Variants in SH2B1 observed in about 807,000 individuals in gnomAD.
SH2B1 encodes SH2B adapter protein 1.
Under a neutral mutation model 62.6 loss-of-function variants are expected in SH2B1, and 15 were observed. The ratio of observed to expected loss-of-function variants is 0.24; its 90% CI spans 0.16 to 0.37. SH2B1 has a LOEUF of 0.37. Ranked by LOEUF, SH2B1 falls within the 10% of genes least tolerant of loss-of-function variation. The pLI, the probability that SH2B1 is intolerant of heterozygous loss-of-function variation, is 1.00. For missense variants in SH2B1, 925 were observed against 1,015.6 expected (o/e 0.91, Z 1.21); for synonymous variants, 443 against 438.0 (o/e 1.01, Z -0.14).
intron 1 of SH2B1, among the ~76,000 whole-genome samples, chr16:28,852,657 CACATATATATTTATATATATATTT>C (rs1567458950): frequency 3.1e-5 from 2 of 64,988 alleles, no homozygotes; most frequent in Non-Finnish European, 5.1e-5. Flanking sequence ...TATATATATA[CACATATATATTTATATATATATTT>C]ACATATATAT....
In SH2B1 at chr16:28,866,680, G is replaced by A. The variant is rs1249720585; in HGVS notation, c.586G>A (p.Gly196Arg). The A allele has an allele frequency of 4.4e-6, 7 of 1,605,036 alleles. No individual in the cohort carries two copies. The highest frequency in any genetic ancestry group is 6.0e-6 in the Non-Finnish European group (7 of 1,175,170). Residue 196 changes from glycine (G) to arginine (R), a missense_variant, in exon 1 of 8, where the codon GGA (glycine) becomes AGA (arginine). Gly to Arg is a moderately radical substitution (Grantham distance 125, BLOSUM62 -2). Around this residue, in one of 3 missense-constraint regions of SH2B1, gnomAD observed 683 missense variants for 704.0 expected, o/e 0.97. Transcript: ENST00000684370. This position sits in a 1 kb window ranked among gnomAD's most constrained non-coding sequence, Gnocchi z 6.3. ...CTCGTCAGGCCCCCCAGTCTTAGGTGGAAACAGCAACTCCAACTCCTCTGG... is the reference window on the plus strand; with the variant it reads ...CTCGTCAGGCCCCCCAGTCTTAGGTAGAAACAGCAACTCCAACTCCTCTGG... ...ETSSGPPVLGGNSNSNSSGGA... is the reference protein window; with the variant it reads ...ETSSGPPVLGRNSNSNSSGGA...
At position 28,872,205 on chromosome 16, in the gene SH2B1, AGGGG is replaced by A; in HGVS notation, c.1531_1534del (p.Gly511SerfsTer31). ...CTTCCTGAAGGGTCCTTCCTGTTCC[AGGGG>A]GAGCCAGAGGGCGGTGAGGGGGACC... On this transcript the variant is annotated frameshift_variant, in exon 6 of 8. Transcript: ENST00000684370. LOFTEE classifies it high-confidence loss of function. The surrounding 1 kb of genome is among the most constrained non-coding windows in gnomAD (Gnocchi z 5.3). 6.2e-7 allele frequency: 1 copy of A among 1,613,060 alleles called. No homozygotes were observed. The highest frequency in any genetic ancestry group is 8.5e-7 in the Non-Finnish European group (1 of 1,179,482).
chr16:28,859,929 TAGC>T (rs1962404680), upstream of SH2B1, among the ~76,000 whole-genome samples: 1 of 145,278 alleles, frequency 6.9e-6, no homozygotes, highest in Non-Finnish European at 1.5e-5. Context: ...CTAGTAGTTA[TAGC>T]GGAAAGCATC....
chr16:28,852,981 ATT>A lies in SH2B1; in HGVS notation c.-301+6157_-301+6158del, dbSNP rs1324387922. The stretch of plus-strand genomic sequence containing the variant: ...TATGTACATATATATGTACATATAT[ATT>A]TTATATGTACATATATATGTACATA... On this transcript the variant is annotated intron_variant, in intron 1 of 10. Coordinates refer to the SH2B1 transcript ENST00000322610. Among the ~76,000 whole-genome samples, 3 of 55,722 alleles carry A rather than the reference ATT, an allele frequency of 5.4e-5. 1 individual carries two copies. The highest frequency in any genetic ancestry group is 9.7e-5 in the Non-Finnish European group (3 of 30,892). The allele number at this position is 55,722 out of a possible 152,430, so 36.6% of individuals were successfully genotyped here.
In SH2B1 at chr16:28,864,541, C is replaced by T; in HGVS notation, c.-1554C>T. On this transcript the variant is annotated 5_prime_UTR_variant, in exon 1 of 8. Transcript: ENST00000684370. ...TTGGAGCCATCTGAGCTTGTAGGGT[C>T]GAGGCCCAGGAGGAAGGGGAGGGTT... 2 of 985,548 alleles carry T rather than the reference C, an allele frequency of 2.0e-6. No homozygotes were observed. The highest frequency in any genetic ancestry group is 2.4e-6 in the Non-Finnish European group (2 of 830,052). 61.1% of individuals were successfully genotyped at this position (985,548 alleles called of 1,614,324 possible).
At position 28,852,364 on chromosome 16, in the gene SH2B1, TTA is replaced by T. The variant is rs1162355197; in HGVS notation, c.-301+5545_-301+5546del. Among the ~76,000 whole-genome samples, 23 of 83,664 alleles carry T rather than the reference TTA, an allele frequency of 2.7e-4. 6 individuals are homozygous for T. The highest frequency in any genetic ancestry group is 1.3e-3 in the African/African-American group (21 of 16,610). 54.9% of individuals were successfully genotyped at this position (83,664 alleles called of 152,430 possible). A position where few individuals can be genotyped will look rare whatever the true frequency, so the allele number is the denominator to read the frequency against. ...TTTACATATATATTTATATATATAT[TTA>T]TATATATTTACATATATTTATATAT... On this transcript the variant is annotated intron_variant, in intron 1 of 10. Transcript: ENST00000322610.
chr16:28,865,843 C>T lies in SH2B1; in HGVS notation c.-252C>T. The T allele has an allele frequency of 7.8e-7, 1 of 1,289,694 alleles. No homozygotes were observed. Among genetic ancestry groups the T allele is most frequent in the Admixed American group, 3.8e-5 (1 of 26,174 alleles). 79.9% of individuals were successfully genotyped at this position (1,289,694 alleles called of 1,614,324 possible). On this transcript the variant is annotated 5_prime_UTR_variant, in exon 1 of 8. Transcript: ENST00000684370. ...CGCTGGGGAGCCAGTTGGCTGGGGC[C>T]TGCAGGGTGCCAGGATCTGGGAGAG...
rs144763038 is a variant in SH2B1, at chr16:28,869,775, G to C, written c.1309+392G>C. ...GTCAGGGGCAATCACGTTTTCTCTT[G>C]ACTCTGTACTTTTTGGTCTGACCAA... On this transcript the variant is annotated intron_variant, in intron 4 of 7. Transcript: ENST00000684370. Among the ~76,000 whole-genome samples, 156 of 152,184 alleles carry C rather than the reference G, an allele frequency of 1.0e-3. 1 individual carries two copies. The highest frequency in any genetic ancestry group is 1.8e-3 in the Non-Finnish European group (122 of 67,996).
At chr16:28,853,106 ATATACATTTATATATATTTATG>A (rs1315560510) in intron 1 of SH2B1, among the ~76,000 whole-genome samples, 5 of 124,102 alleles carry the variant, frequency 4.0e-5, no homozygotes, top group Admixed American at 9.5e-5. Context: ...ATATATTTAT[ATATACATTTATATATATTTATG>A]TATACATTTA....
intron 1 of SH2B1, among the ~76,000 whole-genome samples, chr16:28,853,199 TCATA>T (rs1451662339): frequency 7.6e-6 from 1 of 131,598 alleles, no homozygotes; most frequent in Non-Finnish European, 1.6e-5. Context: ...GGAGTCTTGC[TCATA>T]TATATATATA....
Position 28,865,436 on chromosome 16 carries a change from T to C in SH2B1, c.-659T>C. Reference sequence around the variant, plus strand: ...TGCGTGAGGCAGGCTCTCTAAGGTCTAGAATCCCAGCTCCTCTCTAGCCCC... The same window carrying C: ...TGCGTGAGGCAGGCTCTCTAAGGTCCAGAATCCCAGCTCCTCTCTAGCCCC... On this transcript the variant is annotated 5_prime_UTR_variant, in exon 1 of 8. Coordinates refer to ENST00000684370, the MANE Select transcript of SH2B1 (RefSeq NM_001387430.1). 1 of 985,578 alleles carries C rather than the reference T, an allele frequency of 1.0e-6. No homozygotes were observed. The highest frequency in any genetic ancestry group is 1.2e-6 in the Non-Finnish European group (1 of 829,964). The allele number at this position is 985,578 out of a possible 1,614,324, so 61.1% of individuals were successfully genotyped here.
chr16:28,852,275 C>CAT (rs556407806), intron 1 of SH2B1, among the ~76,000 whole-genome samples: 4 of 47,840 alleles, frequency 8.4e-5, no homozygotes, highest in Admixed American at 7.2e-4. Context: ...TATATATTTA[C>CAT]ATATATATAT....
rs779704156 is a variant in SH2B1 at position 28,866,240 on chromosome 16, T to A, written c.146T>A (p.Leu49Gln). Residue 49 changes from leucine to glutamine, a missense_variant, in exon 1 of 8, where the codon CTG becomes CAG. Physicochemically the swap from Leu to Gln is moderately radical, Grantham distance 113. This residue lies in a region of SH2B1 where 683 missense variants were observed against 704.0 expected (regional missense o/e 0.97). Coordinates refer to ENST00000684370, the MANE Select transcript of SH2B1 (RefSeq NM_001387430.1). The surrounding 1 kb of genome is among the most constrained non-coding windows in gnomAD (Gnocchi z 6.3). ...TTTGCCCGCCGTTTTCGCCTCTACC[T>A]GGCCTCCCACCCCCAATATGCGGGG... The part of the protein sequence containing the change: ...LDFARRFRLY[L>Q]ASHPQYAGPG... The A allele has an allele frequency of 2.2e-5, 36 of 1,602,086 alleles. No individual in the cohort carries two copies. The Admixed American group carries it at 6.0e-4, about 27-fold the overall frequency.
intron 1 of SH2B1, among the ~76,000 whole-genome samples, chr16:28,849,790 G>A (rs1596607535): frequency 1.3e-5 from 2 of 152,060 alleles, no homozygotes; most frequent in South Asian, 4.1e-4. Context: ...CCTGGGCATG[G>A]TGCACGCCTG....
chr16:28,864,391 G>A lies in SH2B1; in HGVS notation c.-1704G>A, dbSNP rs573761557. The A allele has an allele frequency of 1.0e-5, 10 of 987,846 alleles. No individual in the cohort carries two copies. The highest frequency in any genetic ancestry group is 1.2e-5 in the Non-Finnish European group (10 of 831,344). The allele number at this position is 987,846 out of a possible 1,614,324, so 61.2% of individuals were successfully genotyped here. A position where few individuals can be genotyped will look rare whatever the true frequency, so the allele number is the denominator to read the frequency against. ...TGTCTGCGGTGCGGAGGATTGGGTGGGCCTGTGTGAGCCGAGGTGGCCGCT... is the reference window on the plus strand; with the variant it reads ...TGTCTGCGGTGCGGAGGATTGGGTGAGCCTGTGTGAGCCGAGGTGGCCGCT... On this transcript the variant is annotated 5_prime_UTR_variant, in exon 1 of 8. Coordinates refer to ENST00000684370, the MANE Select transcript of SH2B1 (RefSeq NM_001387430.1).
Position 28,872,996 on chromosome 16 carries a change from C to A in SH2B1, c.1897+291C>A. Reference sequence around the variant, plus strand: ...TTCCATTGTCTGTCTGTCTCCTGGACCCATCCTGGCCTCGTCTTTGCCCTC... The same window carrying A: ...TTCCATTGTCTGTCTGTCTCCTGGAACCATCCTGGCCTCGTCTTTGCCCTC... On this transcript the variant is annotated intron_variant, in intron 7 of 7. Coordinates refer to ENST00000684370, the MANE Select transcript of SH2B1 (RefSeq NM_001387430.1). The surrounding 1 kb of genome is among the most constrained non-coding windows in gnomAD (Gnocchi z 5.3). 1.6e-6 allele frequency: 1 copy of A among 636,030 alleles called. No individual in the cohort carries two copies. 39.4% of individuals were successfully genotyped at this position (636,030 alleles called of 1,614,324 possible).
chr16:28,851,731 G>A (rs1184610434), intron 1 of SH2B1, among the ~76,000 whole-genome samples: 1 of 150,144 alleles, frequency 6.7e-6, no homozygotes, highest in Non-Finnish European at 1.5e-5. Flanking sequence ...CCAAAATGCT[G>A]GGATTATAGG....
intron 2 of SH2B1, 124 bp from the exon 3 acceptor site, chr16:28,868,882 G>A (rs1283437372): frequency 1.0e-5 from 8 of 770,632 alleles, no homozygotes; most frequent in East Asian, 7.5e-5. Context: ...CTCTGTACCC[G>A]GCCTCCAGAG....
At chr16:28,853,028 A>T (rs1390682241) in intron 1 of SH2B1, among the ~76,000 whole-genome samples, 21 of 97,960 alleles carry the variant, frequency 2.1e-4, no homozygotes, top group East Asian at 1.0e-3. Flanking sequence ...ATATGTACAT[A>T]TATATGTACA....
Sources: allele counts gnomAD v4.1 joint callset (sites outside exome capture counted in the v4.1 genomes callset), GRCh38; gene constraint gnomAD v4.1.1; regional missense constraint gnomAD v4.1.1; non-coding constraint Gnocchi (gnomAD v3.1); transcripts MANE v1.5; gene names NCBI Gene and HGNC (gene_info 2026-07-23, HGNC 2026-07-21).